U2AF2: variants seen among roughly 807,000 people sequenced by gnomAD.
U2AF2 encodes U2 small nuclear RNA auxiliary factor 2.
In U2AF2, 6 loss-of-function variants were observed where a neutral mutation model predicts 52.6. The observed-to-expected ratio is 0.11, with a 90% CI of 0.06 to 0.23. The LOEUF (loss-of-function observed/expected upper bound fraction) is 0.23, where lower values mean the gene tolerates loss of function less well. U2AF2 is among the 10% of genes least tolerant of loss of function. The pLI is 1.00. For missense variants in U2AF2, 222 were observed against 677.1 expected, an observed-to-expected ratio of 0.33 and a Z score of 7.46; for synonymous variants, 284 against 258.2, an observed-to-expected ratio of 1.10 and a Z score of -0.96.
intron 3 of U2AF2, 71 bp downstream of exon 3, chr19:55,660,292 G>C: frequency 1.3e-6 from 2 of 1,541,064 alleles, no homozygotes; most frequent in South Asian, 1.2e-5. Context: ...CGTGCACCCT[G>C]TCCCGCCCAT....
chr19:55,655,300 G>C, intron 1 of U2AF2, 147 bp downstream of exon 1: 12 of 900,246 alleles, frequency 1.3e-5, no homozygotes, highest in Middle Eastern at 3.4e-4. Context: ...CCTCGTTCAC[G>C]TGACGTCCCC....
At chr19:55,655,962 C>A (rs554931473) in intron 1 of U2AF2, among the ~76,000 whole-genome samples, 2 of 152,116 alleles carry the variant, frequency 1.3e-5, no homozygotes, top group African/African-American at 4.8e-5. Flanking sequence ...AATACTCAGT[C>A]TCAGATCTCA....
Position 55,660,166 on chromosome 19 carries a change from C to T in U2AF2, c.186-11C>T, listed in dbSNP as rs1984079541. On this transcript the variant is annotated splice_polypyrimidine_tract_variant and intron_variant, in intron 2 of 11. Transcript: ENST00000308924. ...TCACCCCTCCCCATACCTTTCCCTCCCACCCCCCAGCAAACCTTTGACCAG... is the reference window on the plus strand; with the variant it reads ...TCACCCCTCCCCATACCTTTCCCTCTCACCCCCCAGCAAACCTTTGACCAG... 1.2e-6 allele frequency: 2 copies of T among 1,604,634 alleles called. No homozygotes were observed. Among genetic ancestry groups the T allele is most frequent in the African/African-American group, 1.3e-5 (1 of 74,368 alleles).
intron 1 of U2AF2, among the ~76,000 whole-genome samples, chr19:55,655,838 T>C (rs1164735802): frequency 6.6e-6 from 1 of 152,244 alleles, no homozygotes; most frequent in African/African-American, 2.4e-5. Flanking sequence ...TCTTTGAGTG[T>C]CCGCACGCAC....
chr19:55,660,399 G>T, intron 3 of U2AF2, 117 bp from the exon 4 acceptor site: 1 of 1,097,796 alleles, frequency 9.1e-7, no homozygotes. Context: ...TCCCTGGAGA[G>T]AGTGGAGCTT....
chr19:55,669,372 G>C (rs556966237), intron 10 of U2AF2, 72 bp from the exon 11 acceptor site: 1 of 1,545,322 alleles, frequency 6.5e-7, no homozygotes, highest in East Asian at 2.3e-5. Context: ...GGCATGTGAG[G>C]GGCCTAGGCT....
intron 1 of U2AF2, among the ~76,000 whole-genome samples, chr19:55,655,505 T>C (rs1983727918): frequency 6.6e-6 from 1 of 152,262 alleles, no homozygotes; most frequent in Non-Finnish European, 1.5e-5. Flanking sequence ...AAAAGGAGAT[T>C]ATGTTAGTCC....
chr19:55,670,257 A>G (rs1600084090), intron 11 of U2AF2, among the ~76,000 whole-genome samples: 1 of 151,480 alleles, frequency 6.6e-6, no homozygotes, highest in Admixed American at 6.6e-5. Flanking sequence ...AAGTCCTGTC[A>G]CCTCCAGCGC....
chr19:55,670,423 TCCCTGCTGTCCGTGCA>T (rs1984822397), intron 11 of U2AF2, among the ~76,000 whole-genome samples: 2 of 716 alleles, frequency 2.8e-3, no homozygotes, highest in African/African-American at 4.7e-3. Context: ...TGAATAGAGG[TCCCTGCTGTCCGTGCA>T]CCCTGCTGTC....
intron 1 of U2AF2, among the ~76,000 whole-genome samples, chr19:55,656,249 C>T (rs1373681480): frequency 6.6e-6 from 1 of 152,226 alleles, no homozygotes; most frequent in Non-Finnish European, 1.5e-5. Flanking sequence ...CAGGCTTCAG[C>T]TGCCCATGTT....
intron 7 of U2AF2, among the ~76,000 whole-genome samples, chr19:55,665,078 T>C (rs377286405): frequency 6.6e-6 from 1 of 152,228 alleles, no homozygotes; most frequent in Non-Finnish European, 1.5e-5. Flanking sequence ...CTGTAATATA[T>C]GTTGACATGC....
At chr19:55,658,834 A>G (rs1315935639) in intron 1 of U2AF2, 1 of 189,098 alleles carries the variant, frequency 5.3e-6, no homozygotes, top group African/African-American at 2.3e-5. Flanking sequence ...CCTTCAGGAA[A>G]ACATCATTGG....
chr19:55,659,214 G>T lies in U2AF2; in HGVS notation c.54G>T (p.Arg18=). 3 of 1,589,250 alleles carry T rather than the reference G, an allele frequency of 1.9e-6. No homozygotes were observed. Among genetic ancestry groups the T allele is most frequent in the South Asian group, 1.1e-5 (1 of 88,682 alleles). ...CCTCCTCTCACCCTTGCCCAGAGCG[G>T]GACAAGGAGAACCGGCATCGGAAGC... ...ERQLNENKQE[R]DKENRHRKRS... The change falls in exon 2 of 12, where the codon CGG becomes CGT. Residue 18 remains arginine, a synonymous_variant. Transcript: ENST00000308924.
chr19:55,659,418 C>T, intron 2 of U2AF2, 73 bp downstream of exon 2: 1 of 1,389,828 alleles, frequency 7.2e-7, no homozygotes. Flanking sequence ...TGTGGGTGGC[C>T]TGTGTGTGTC....
rs769538864 is a variant in U2AF2, at chr19:55,674,087, G to T, written c.*19G>T. 1 of 1,594,432 alleles carries T rather than the reference G, an allele frequency of 6.3e-7. No individual in the cohort carries two copies. The highest frequency in any genetic ancestry group is 8.5e-7 in the Non-Finnish European group (1 of 1,170,030). The stretch of plus-strand genomic sequence containing the variant: ...CTGGTAGAGGCGGCTGGGGGAGGGT[G>T]GGGGCAGGGCTGGCTGGGGGCTTCT... On this transcript the variant is annotated 3_prime_UTR_variant, in exon 12 of 12. Coordinates refer to ENST00000308924, the MANE Select transcript of U2AF2 (RefSeq NM_007279.3).
In U2AF2 at chr19:55,668,865, C is replaced by T. The variant is rs972077676; in HGVS notation, c.945+73C>T. 2 of 1,564,994 alleles carry T rather than the reference C, an allele frequency of 1.3e-6. No individual in the cohort carries two copies. Among genetic ancestry groups the T allele is most frequent in the African/African-American group, 1.3e-5 (1 of 74,244 alleles). The stretch of plus-strand genomic sequence containing the variant: ...TGCGCTGTTGCCAAGCCATGGTCTC[C>T]CCTCCTCAGGGGACGGGGCGGGAGG... On this transcript the variant is annotated intron_variant, in intron 9 of 11. Transcript: ENST00000308924. The surrounding 1 kb of genome is among the most constrained non-coding windows in gnomAD (Gnocchi z 5.5).
intron 7 of U2AF2, among the ~76,000 whole-genome samples, chr19:55,665,082 G>A (rs1164400007): frequency 6.6e-6 from 1 of 152,182 alleles, no homozygotes; most frequent in Non-Finnish European, 1.5e-5. Context: ...AATATATGTT[G>A]ACATGCTCCC....
intron 11 of U2AF2, chr19:55,670,534 C>A (rs1308835): frequency 1.6e-5 from 3 of 185,886 alleles, no homozygotes; most frequent in African/African-American, 4.5e-5. Flanking sequence ...CCTGCTGTCC[C>A]TGCACCCTGC....
rs1277684284 is a variant in U2AF2, at chr19:55,659,324, C to T, written c.164C>T (p.Ser55Phe). Residue 55 changes from serine to phenylalanine, a missense_variant, in exon 2 of 12, where the codon TCC becomes TTC. Ser to Phe is a radical substitution (Grantham distance 155). Coordinates refer to ENST00000308924, the MANE Select transcript of U2AF2 (RefSeq NM_007279.3). The part of the protein sequence containing the change: ...DRRNRDQRSA[S>F]RDRRRRSKPL... ...CGCAACCGGGACCAGCGGAGCGCCT[C>T]CCGGGACAGGCGACGACGCAGGTAC... 6.4e-7 allele frequency: 1 copy of T among 1,563,046 alleles called. No individual in the cohort carries two copies. Among genetic ancestry groups the T allele is most frequent in the African/African-American group, 1.4e-5 (1 of 73,288 alleles).
Sources: gnomAD v4.1 joint callset for allele counts (sites outside exome capture counted in the v4.1 genomes callset) on GRCh38, gnomAD v4.1.1 for gene constraint, Gnocchi (gnomAD v3.1) non-coding constraint, MANE v1.5 for transcripts, NCBI Gene and HGNC (gene_info 2026-07-23, HGNC 2026-07-21) for gene names.